The following RGS6 variants were observed in gnomAD, a reference collection of about 807,000 sequenced individuals.
RGS6 encodes regulator of G protein signaling 6, also known as regulator of G-protein signaling 6.
In RGS6, 30 loss-of-function variants were observed where a neutral mutation model predicts 78.5. The observed-to-expected ratio is 0.38, with a 90% CI of 0.29 to 0.52. The LOEUF (loss-of-function observed/expected upper bound fraction) is 0.52. RGS6 is among the 20% of genes least tolerant of loss of function. The pLI, the probability that RGS6 is intolerant of heterozygous loss-of-function variation, is 0.85. For missense variants in RGS6, 495 were observed against 609.7 expected (o/e 0.81, Z 1.98); for synonymous variants, 206 against 206.0 (o/e 1.00, Z 0.00).
intron 2 of RGS6, among the ~76,000 whole-genome samples, chr14:72,022,905 C>A (rs189393958): frequency 6.6e-6 from 1 of 152,198 alleles, no homozygotes; most frequent in Non-Finnish European, 1.5e-5. Flanking sequence ...CACAGCGATG[C>A]CTACGTTTAT....
intron 2 of RGS6, among the ~76,000 whole-genome samples, chr14:72,334,080 C>T (rs535059829): frequency 2.1e-4 from 32 of 152,356 alleles, no homozygotes; most frequent in African/African-American, 7.2e-4. Context: ...TCCAACACCC[C>T]CGAGTCTTCA....
At chr14:72,056,202 C>A (rs2093610493) in intron 2 of RGS6, among the ~76,000 whole-genome samples, 2 of 152,136 alleles carry the variant, frequency 1.3e-5, no homozygotes, top group African/African-American at 4.8e-5. Flanking sequence ...GGATGTGAAG[C>A]CCAGAGAAGT....
At chr14:72,571,948 T>C in the RGS6 span, among the ~76,000 whole-genome samples, 1 of 152,154 alleles carries the variant, frequency 6.6e-6, no homozygotes, top group Non-Finnish European at 1.5e-5. Context: ...ACTTGTAAAA[T>C]TCAGTAATAA....
intron 3 of RGS6, among the ~76,000 whole-genome samples, chr14:72,382,826 T>C (rs1460952550): frequency 6.6e-6 from 1 of 152,174 alleles, no homozygotes; most frequent in Non-Finnish European, 1.5e-5. Context: ...GGATATCTCA[T>C]GATCCCAATT....
At chr14:72,459,287 C>T (rs1182683354) in intron 5 of RGS6, among the ~76,000 whole-genome samples, 2 of 152,108 alleles carry the variant, frequency 1.3e-5, no homozygotes, top group African/African-American at 2.4e-5. Flanking sequence ...GTTCTTCAGA[C>T]TAGGTTAAAG....
intron 3 of RGS6, among the ~76,000 whole-genome samples, chr14:72,398,680 T>G (rs2091883621): frequency 6.6e-6 from 1 of 152,222 alleles, no homozygotes; most frequent in African/African-American, 2.4e-5. Flanking sequence ...CTTTCTCTTG[T>G]GGGCATTTAG....
chr14:72,601,848 G>T, the RGS6 span, among the ~76,000 whole-genome samples: 2 of 152,160 alleles, frequency 1.3e-5, no homozygotes, highest in African/African-American at 4.8e-5. Flanking sequence ...ACAACCTAAG[G>T]TTCAAATTAG....
At chr14:72,400,797 T>A (rs1649322791) in intron 3 of RGS6, among the ~76,000 whole-genome samples, 2 of 152,308 alleles carry the variant, frequency 1.3e-5, no homozygotes, top group African/African-American at 4.8e-5. Flanking sequence ...CCACCTACCT[T>A]CTTATCTCTG....
chr14:72,415,681 C>G (rs371752760), intron 3 of RGS6, among the ~76,000 whole-genome samples: 1 of 152,164 alleles, frequency 6.6e-6, no homozygotes, highest in Non-Finnish European at 1.5e-5. Flanking sequence ...ATCTTGGCTC[C>G]ACCCCCCCGG....
the RGS6 span, among the ~76,000 whole-genome samples, chr14:71,927,363 C>G: frequency 1.3e-5 from 2 of 152,194 alleles, no homozygotes; most frequent in Non-Finnish European, 2.9e-5. Context: ...CATTCATTCT[C>G]AGACACACGG....
At position 71,988,301 on chromosome 14, in the gene RGS6, A is replaced by T. The variant is rs142010440; in HGVS notation, c.84+23426A>T. 2.9e-3 allele frequency among the ~76,000 whole-genome samples: 439 copies of T among 152,262 alleles called. 2 individuals are homozygous for T. The highest frequency in any genetic ancestry group is 0.01 in the African/African-American group (421 of 41,546). On this transcript the variant is annotated intron_variant, in intron 2 of 17. Transcript: ENST00000553525. ...AAGGAGGGGTCAGTAGTTGAAACAA[A>T]AGTCTCCTATGGCTGATGACATGTT...
the RGS6 span, among the ~76,000 whole-genome samples, chr14:72,599,566 G>T: frequency 1.4e-5 from 2 of 142,350 alleles, no homozygotes; most frequent in Admixed American, 7.1e-5. Context: ...CTGCCACCAC[G>T]CCTGGCTAAT....
At chr14:72,478,391 G>A in intron 12 of RGS6, 62 bp downstream of exon 12, 1 of 1,203,262 alleles carries the variant, frequency 8.3e-7, no homozygotes, top group Admixed American at 1.9e-5. Flanking sequence ...AAATGTTACA[G>A]GGTTATGGTT....
intron 2 of RGS6, among the ~76,000 whole-genome samples, chr14:72,315,239 G>A (rs1303518981): frequency 2.0e-5 from 3 of 152,138 alleles, no homozygotes; most frequent in African/African-American, 7.2e-5. Flanking sequence ...AAGCTGTGCG[G>A]GATAATTCAG....
chr14:72,054,320 T>C (rs893484570), intron 2 of RGS6, among the ~76,000 whole-genome samples: 12 of 152,192 alleles, frequency 7.9e-5, no homozygotes, highest in Admixed American at 2.0e-4. Context: ...CAATTAACTA[T>C]ACCAGAGGCA....
intron 2 of RGS6, among the ~76,000 whole-genome samples, chr14:72,204,986 T>G (rs190461462): frequency 6.6e-5 from 10 of 152,304 alleles, no homozygotes; most frequent in African/African-American, 9.6e-5. Flanking sequence ...GCTTCTCAGA[T>G]CTTCATGGTG....
intron 2 of RGS6, among the ~76,000 whole-genome samples, chr14:72,345,520 G>A (rs767055349): frequency 3.3e-5 from 5 of 152,178 alleles, no homozygotes; most frequent in Middle Eastern, 3.2e-3. Flanking sequence ...GATAAAAGAG[G>A]GTTGGAAAGA....
At chr14:72,507,001 A>AAAT (rs1411045472) in intron 13 of RGS6, among the ~76,000 whole-genome samples, 15 of 121,292 alleles carry the variant, frequency 1.2e-4, no homozygotes, top group African/African-American at 6.7e-4. Flanking sequence ...AAAAAAAAAA[A>AAAT]AAAAAAAAAA....
At chr14:72,391,418 C>G (rs2089957051) in intron 3 of RGS6, among the ~76,000 whole-genome samples, 2 of 152,172 alleles carry the variant, frequency 1.3e-5, no homozygotes, top group Admixed American at 6.5e-5. Context: ...AATTTCTCAC[C>G]TCTCATTTGA....
Sources: gnomAD v4.1 joint callset for allele counts (sites outside exome capture counted in the v4.1 genomes callset) on GRCh38, gnomAD v4.1.1 for gene constraint, MANE v1.5 for transcripts, NCBI Gene and HGNC (gene_info 2026-07-23, HGNC 2026-07-21) for gene names.